ACSM1: variants seen among roughly 807,000 people sequenced by gnomAD.
The protein encoded by ACSM1 is acyl-CoA synthetase medium chain family member 1, also known as acyl-coenzyme A synthetase ACSM1, mitochondrial.
ACSM1 carries 79 observed loss-of-function variants against 75.8 expected under a neutral mutation model. That is an observed-to-expected ratio of 1.04 (90% CI 0.87 to 1.26). The LOEUF (loss-of-function observed/expected upper bound fraction) is 1.26. Ranked by LOEUF, ACSM1 falls within the 50% of genes most tolerant of loss-of-function variation. ACSM1 has a pLI of 0.00. For missense variants in ACSM1, 676 were observed against 720.1 expected (o/e 0.94, Z 0.70); for synonymous variants, 279 against 265.8 (o/e 1.05, Z -0.48).
At chr16:20,684,429 T>A (rs191431541) in intron 3 of ACSM1, among the ~76,000 whole-genome samples, 9 of 152,334 alleles carry the variant, frequency 5.9e-5, no homozygotes, top group Non-Finnish European at 1.2e-4. Flanking sequence ...ACAGTATAAC[T>A]GAAGAGGGAA....
intron 6 of ACSM1, among the ~76,000 whole-genome samples, chr16:20,669,240 A>G (rs1218143901): frequency 6.6e-6 from 1 of 152,138 alleles, no homozygotes; most frequent in African/African-American, 2.4e-5. Flanking sequence ...TAAGTACTTT[A>G]CACATATCGC....
chr16:20,669,972 C>G lies in ACSM1; in HGVS notation c.767G>C (p.Ser256Thr). 7 of 1,613,752 alleles carry G rather than the reference C, an allele frequency of 4.3e-6. No individual in the cohort carries two copies. The highest frequency in any genetic ancestry group is 5.9e-6 in the Non-Finnish European group (7 of 1,179,836). Residue 256 changes from serine to threonine, a missense_variant, in exon 6 of 14, where the codon AGC becomes ACC. By Grantham distance (58) the Ser-to-Thr change is moderately conservative. Coordinates refer to ENST00000520010, the MANE Select transcript of ACSM1 (RefSeq NM_001318890.3). ...PSFPGSRKLR[S>T]LKTSDVSWCL... ...CCAGGAGACATCAGATGTCTTCAGG[C>G]TCCGTAATTTCCTACTAACTCCAAA...
chr16:20,696,740 T>G (rs1853690200), intron 1 of ACSM1, among the ~76,000 whole-genome samples: 1 of 152,228 alleles, frequency 6.6e-6, no homozygotes, highest in African/African-American at 2.4e-5. Flanking sequence ...TATTCCCAGA[T>G]ACATAGTGCC....
In ACSM1 at chr16:20,682,303, C is replaced by A. The variant is rs1216747230; in HGVS notation, c.564G>T (p.Val188=). The A allele has an allele frequency of 6.2e-7, 1 of 1,613,760 alleles. No individual in the cohort carries two copies. Among genetic ancestry groups the A allele is most frequent in the Non-Finnish European group, 8.5e-7 (1 of 1,179,992 alleles). Residue 188 remains valine (V), a synonymous_variant, in exon 4 of 14, where the codon GTG becomes GTT. Coordinates refer to ENST00000520010, the MANE Select transcript of ACSM1 (RefSeq NM_001318890.3). ...QCPSLKTKLL[V]SDHSREGWLD... is the part of the protein sequence containing the mutation. ...GCCACCCTTCACGGCTGTGATCAGA[C>A]ACCAGGAGCTTGGTTTTCAGAGAGG...
At chr16:20,650,144 T>C (rs954856666) in intron 7 of ACSM1, among the ~76,000 whole-genome samples, 12 of 152,172 alleles carry the variant, frequency 7.9e-5, no homozygotes, top group Non-Finnish European at 1.2e-4. Context: ...GAGTTGGTTT[T>C]CTCCTAGGTA....
Position 20,672,061 on chromosome 16 carries a change from T to G in ACSM1, c.612-390A>C, listed in dbSNP as rs79164894. Among the ~76,000 whole-genome samples, 1,314 of 152,060 alleles carry G rather than the reference T, an allele frequency of 8.6e-3. 16 individuals carry two copies. The highest frequency in any genetic ancestry group is 0.03 in the African/African-American group (1,252 of 41,444). On this transcript the variant is annotated intron_variant, in intron 4 of 13. Coordinates refer to ENST00000520010, the MANE Select transcript of ACSM1 (RefSeq NM_001318890.3). ...ACTCAGAGCAACCCTAGGAGATGAG[T>G]ACTACTCTAATCATGCCCATTTTGC...
At chr16:20,651,886 A>G (rs999331388) in intron 7 of ACSM1, among the ~76,000 whole-genome samples, 1 of 152,044 alleles carries the variant, frequency 6.6e-6, no homozygotes, top group African/African-American at 2.4e-5. Context: ...TTTTTTTTGC[A>G]TCTATTGATC....
At chr16:20,668,487 G>C (rs1392106755) in intron 6 of ACSM1, among the ~76,000 whole-genome samples, 2 of 152,164 alleles carry the variant, frequency 1.3e-5, no homozygotes, top group African/African-American at 4.8e-5. Flanking sequence ...CATTGATATA[G>C]AGGTAGGTAA....
chr16:20,643,478 G>C (rs1299067782), intron 7 of ACSM1, among the ~76,000 whole-genome samples: 2 of 152,168 alleles, frequency 1.3e-5, no homozygotes, highest in Non-Finnish European at 2.9e-5. Context: ...AAAGTGGTGT[G>C]TCCAGAGTTT....
intron 6 of ACSM1, among the ~76,000 whole-genome samples, chr16:20,668,233 G>A (rs953616601): frequency 6.6e-6 from 1 of 152,180 alleles, no homozygotes; most frequent in African/African-American, 2.4e-5. Context: ...AAATTATTAT[G>A]AATAATTCAT....
At chr16:20,644,000 T>C (rs1437739014) in intron 7 of ACSM1, among the ~76,000 whole-genome samples, 1 of 152,176 alleles carries the variant, frequency 6.6e-6, no homozygotes, top group Non-Finnish European at 1.5e-5. Context: ...ATTGGTGTTT[T>C]TTTACAGAGT....
At chr16:20,652,319 TA>T (rs2018690008) in intron 7 of ACSM1, among the ~76,000 whole-genome samples, 1 of 152,058 alleles carries the variant, frequency 6.6e-6, no homozygotes, top group African/African-American at 2.4e-5. Context: ...ACATTCTTAT[TA>T]AGGTAAAATA....
chr16:20,690,320 T>G (rs1223686355), intron 2 of ACSM1, among the ~76,000 whole-genome samples: 1 of 152,238 alleles, frequency 6.6e-6, no homozygotes, highest in African/African-American at 2.4e-5. Flanking sequence ...ATTGTCTACC[T>G]GACTCCTAAT....
chr16:20,637,637 T>C (rs1461082473), intron 8 of ACSM1, among the ~76,000 whole-genome samples, 186 bp from the exon 9 acceptor site: 1 of 152,188 alleles, frequency 6.6e-6, no homozygotes, highest in East Asian at 1.9e-4. Context: ...CCCAACTCTA[T>C]TCCACAGTCA....
chr16:20,646,694 CA>C (rs779460766), intron 7 of ACSM1, among the ~76,000 whole-genome samples: 23 of 152,296 alleles, frequency 1.5e-4, no homozygotes, highest in Non-Finnish European at 2.8e-4. Flanking sequence ...CTAGCAAAAG[CA>C]GGGGCCATTA....
At chr16:20,677,551 G>T (rs2020364980) in intron 4 of ACSM1, among the ~76,000 whole-genome samples, 1 of 152,296 alleles carries the variant, frequency 6.6e-6, no homozygotes, top group South Asian at 2.1e-4. Context: ...CCCCTTCATT[G>T]CTGTGTAAAT....
At chr16:20,636,921 A>G in intron 9 of ACSM1, 81 bp from the exon 10 acceptor site, 1 of 945,298 alleles carries the variant, frequency 1.1e-6, no homozygotes, top group Non-Finnish European at 1.7e-6. Flanking sequence ...TGGTTTATGC[A>G]TGGGACACCA....
At chr16:20,657,500 G>T (rs532666505) in intron 7 of ACSM1, among the ~76,000 whole-genome samples, 5 of 152,074 alleles carry the variant, frequency 3.3e-5, no homozygotes, top group Admixed American at 2.6e-4. Flanking sequence ...ATAGAGACAG[G>T]GTTTCACAAT....
chr16:20,672,471 A>AAAAT (rs1555473775), intron 4 of ACSM1, among the ~76,000 whole-genome samples: 85 of 64,548 alleles, frequency 1.3e-3, no homozygotes, highest in African/African-American at 2.9e-3. Flanking sequence ...AAAAAAAAAA[A>AAAAT]ATATATATAT....
Sources: gnomAD v4.1 joint callset for allele counts (sites outside exome capture counted in the v4.1 genomes callset) on GRCh38, gnomAD v4.1.1 for gene constraint, MANE v1.5 for transcripts, NCBI Gene and HGNC (gene_info 2026-07-23, HGNC 2026-07-21) for gene names.